The following ZNF469 variants were observed in gnomAD, a reference collection of about 807,000 sequenced individuals.
The protein encoded by ZNF469 is zinc finger protein 469.
Under a neutral mutation model 1.0 loss-of-function variants are expected in ZNF469, and 1 was observed. That is an observed-to-expected ratio of 1.00 (90% CI 0.35 to 4.73). The LOEUF (loss-of-function observed/expected upper bound fraction) is 4.73, where lower values mean the gene tolerates loss of function less well. Among genes scored for constraint, ZNF469 ranks in the 30% most tolerant of loss-of-function variants. The pLI is 0.16. For synonymous variants in ZNF469, 2,703 were observed against 2,363.4 expected (o/e 1.14, Z -4.17); for missense variants, 6,100 against 5,356.3 (o/e 1.14, Z -4.33).
At chr16:88,165,953 C>T in the ZNF469 span, among the ~76,000 whole-genome samples, 2 of 152,172 alleles carry the variant, frequency 1.3e-5, no homozygotes, top group African/African-American at 2.4e-5. Context: ...AATCTCCTTC[C>T]CTTTTGAGGC....
chr16:88,269,941 G>A, the ZNF469 span, among the ~76,000 whole-genome samples: 6 of 151,844 alleles, frequency 4.0e-5, no homozygotes, highest in South Asian at 2.1e-4. Flanking sequence ...ATGGAGCCCC[G>A]GCTCCTTTAG....
the ZNF469 span, among the ~76,000 whole-genome samples, chr16:88,230,350 G>A: frequency 1.3e-5 from 2 of 152,226 alleles, no homozygotes; most frequent in Admixed American, 6.5e-5. Flanking sequence ...TGGGCCCCCA[G>A]AGGCAGGCCT....
At chr16:88,243,949 T>TATATATATATA in the ZNF469 span, among the ~76,000 whole-genome samples, 2 of 94,238 alleles carry the variant, frequency 2.1e-5, no homozygotes, top group Non-Finnish European at 2.3e-5. Context: ...TATATATATA[T>TATATATATATA]ATAAATGTAT....
At chr16:88,263,561 C>T in the ZNF469 span, among the ~76,000 whole-genome samples, 2 of 152,170 alleles carry the variant, frequency 1.3e-5, no homozygotes, top group African/African-American at 4.8e-5. Context: ...ATGGGGTGCC[C>T]ATGTGGGCAA....
At chr16:88,225,905 C>T in the ZNF469 span, among the ~76,000 whole-genome samples, 3 of 152,188 alleles carry the variant, frequency 2.0e-5, no homozygotes, top group Admixed American at 2.0e-4. Context: ...TGTACTAAGA[C>T]AGCCTCCCTG....
chr16:88,116,984 CA>C, the ZNF469 span, among the ~76,000 whole-genome samples: 3 of 128,258 alleles, frequency 2.3e-5, no homozygotes, highest in Admixed American at 2.3e-4. Context: ...CACACACACA[CA>C]CACACACCAG....
At chr16:88,132,288 C>T in the ZNF469 span, among the ~76,000 whole-genome samples, 3,459 of 152,318 alleles carry the variant, frequency 0.023, 105 homozygotes, top group African/African-American at 0.079. Context: ...TGCTCGGGGA[C>T]GGACGCTCTC....
At chr16:88,114,198 A>G in the ZNF469 span, among the ~76,000 whole-genome samples, 1 of 144,124 alleles carries the variant, frequency 6.9e-6, no homozygotes, top group Non-Finnish European at 1.5e-5. Flanking sequence ...CAGGGACCAT[A>G]CTCACTCACT....
chr16:88,235,615 C>G, the ZNF469 span, among the ~76,000 whole-genome samples: 1 of 152,214 alleles, frequency 6.6e-6, no homozygotes, highest in Non-Finnish European at 1.5e-5. Context: ...TTGAATTCCT[C>G]CCACCTGAGT....
the ZNF469 span, among the ~76,000 whole-genome samples, chr16:88,102,940 T>C: frequency 6.6e-6 from 1 of 152,258 alleles, no homozygotes; most frequent in East Asian, 1.9e-4. Context: ...TGTCCCAAGA[T>C]GAGGGTGTTC....
chr16:88,155,637 C>G, the ZNF469 span, among the ~76,000 whole-genome samples: 530 of 152,330 alleles, frequency 3.5e-3, 3 homozygotes, highest in Middle Eastern at 0.031. Flanking sequence ...GACCAGAACC[C>G]CATTCCTTTG....
chr16:88,145,715 C>A, the ZNF469 span, among the ~76,000 whole-genome samples: 1 of 152,254 alleles, frequency 6.6e-6, no homozygotes, highest in Non-Finnish European at 1.5e-5. Context: ...TCCCAGGGGG[C>A]CTCTTGCCCC....
the ZNF469 span, among the ~76,000 whole-genome samples, chr16:88,366,524 C>CCAT: frequency 6.3e-3 from 933 of 148,640 alleles, 12 homozygotes; most frequent in Middle Eastern, 0.021. Context: ...ATCATTATCA[C>CCAT]CATCATCATC....
At chr16:88,209,073 A>G in the ZNF469 span, among the ~76,000 whole-genome samples, 90 of 152,214 alleles carry the variant, frequency 5.9e-4, no homozygotes, top group African/African-American at 2.0e-3. Context: ...TTTTGTTTCT[A>G]TCTGCAATCC....
At chr16:88,410,340 C>T (rs1375918201) in intron 1 of ZNF469, among the ~76,000 whole-genome samples, 5 of 150,896 alleles carry the variant, frequency 3.3e-5, no homozygotes, top group African/African-American at 4.9e-5. Context: ...TTCACAGTAA[C>T]GTCTATGATG....
the ZNF469 span, among the ~76,000 whole-genome samples, chr16:88,248,191 A>G: frequency 0.24 from 36,734 of 151,982 alleles, 4,628 homozygotes; most frequent in South Asian, 0.45. Context: ...TTAAGGGAAC[A>G]GAGAAAGCAC....
the ZNF469 span, among the ~76,000 whole-genome samples, chr16:88,244,969 A>T: frequency 6.6e-6 from 1 of 151,954 alleles, no homozygotes; most frequent in Non-Finnish European, 1.5e-5. Context: ...TAAAAGGAAG[A>T]CCATGAACTG....
chr16:88,309,378 C>A, the ZNF469 span, among the ~76,000 whole-genome samples: 1 of 151,856 alleles, frequency 6.6e-6, no homozygotes, highest in Non-Finnish European at 1.5e-5. Flanking sequence ...CTCTGAGGTC[C>A]CCTGTCAGTG....
At chr16:88,371,956 ACCATCATCACCATCAC>A in the ZNF469 span, among the ~76,000 whole-genome samples, 1 of 147,552 alleles carries the variant, frequency 6.8e-6, no homozygotes, top group African/African-American at 2.5e-5. Context: ...CACCATCACC[ACCATCATCACCATCAC>A]CACCATCATC....
Sources: allele counts gnomAD v4.1 joint callset (sites outside exome capture counted in the v4.1 genomes callset), GRCh38; gene constraint gnomAD v4.1.1; transcripts MANE v1.5; gene names NCBI Gene and HGNC (gene_info 2026-07-23, HGNC 2026-07-21).